Variants in MECR observed in about 807,000 individuals in gnomAD.
The protein encoded by MECR is enoyl-[acyl-carrier-protein] reductase, mitochondrial.
A neutral mutation model predicts 49.1 loss-of-function variants in MECR; 37 were observed. That is an observed-to-expected ratio of 0.75 (90% CI 0.58 to 0.99). MECR has a LOEUF of 0.99. Ranked by LOEUF, MECR falls within the 50% of genes least tolerant of loss-of-function variation. The probability of loss-of-function intolerance (pLI) is 0.00; values close to 1 mark genes in which losing one functional copy is unlikely to be tolerated. For synonymous variants in MECR, 198 were observed against 191.1 expected (o/e 1.04, Z -0.30); for missense variants, 470 against 479.6 (o/e 0.98, Z 0.19).
chr1:29,177,549 C>T, the MECR span, among the ~76,000 whole-genome samples: 1 of 151,938 alleles, frequency 6.6e-6, no homozygotes. Context: ...CTCAAAGTGC[C>T]GGGGTTACAG....
At chr1:29,203,070 G>A in intron 5 of MECR, 61 bp downstream of exon 5, 1 of 1,387,144 alleles carries the variant, frequency 7.2e-7, no homozygotes, top group Non-Finnish European at 9.8e-7. Flanking sequence ...GGGCACCGCA[G>A]GGATGGGAGG....
intron 4 of MECR, among the ~76,000 whole-genome samples, chr1:29,204,556 A>G (rs1386233809): frequency 1.3e-5 from 2 of 152,172 alleles, no homozygotes; most frequent in South Asian, 4.1e-4. Context: ...CATTATATAT[A>G]TATTCCTATT....
intron 4 of MECR, among the ~76,000 whole-genome samples, chr1:29,205,559 G>A (rs1558444473): frequency 1.3e-5 from 2 of 151,716 alleles, no homozygotes; most frequent in Admixed American, 6.6e-5. Flanking sequence ...GGCTGGGGGT[G>A]GGTGGCTCGC....
chr1:29,210,418 C>T (rs1574385545), intron 3 of MECR, among the ~76,000 whole-genome samples: 1 of 152,190 alleles, frequency 6.6e-6, no homozygotes, highest in African/African-American at 2.4e-5. Flanking sequence ...GGAAGTGCCC[C>T]AGCATCCTGT....
intron 9 of MECR, among the ~76,000 whole-genome samples, chr1:29,195,610 C>A (rs990353908): frequency 6.6e-6 from 1 of 152,214 alleles, no homozygotes; most frequent in African/African-American, 2.4e-5. Context: ...GCTGGCTAGG[C>A]AGAACCTCTA....
chr1:29,211,724 C>T (rs896593148), intron 3 of MECR, among the ~76,000 whole-genome samples: 1 of 152,164 alleles, frequency 6.6e-6, no homozygotes, highest in African/African-American at 2.4e-5. Context: ...GATTCCAAAG[C>T]CAGTGCACTT....
At chr1:29,224,337 G>A (rs1040415571) in intron 1 of MECR, 8 of 152,148 alleles carry the variant, frequency 5.3e-5, no homozygotes, top group African/African-American at 1.9e-4. Flanking sequence ...TGAACCAAGG[G>A]CCAAGAGGGG....
the MECR span, chr1:29,173,098 A>G: frequency 1.3e-5 from 2 of 150,696 alleles, no homozygotes; most frequent in African/African-American, 4.9e-5. Context: ...TCTACAATTA[A>G]CCTACATTTA....
chr1:29,230,317 A>G (rs1683114695), intron 1 of MECR: 1 of 186,258 alleles, frequency 5.4e-6, no homozygotes, highest in Non-Finnish European at 1.1e-5. Flanking sequence ...CACGCAGGTC[A>G]GTCAGACATA....
the MECR span, among the ~76,000 whole-genome samples, chr1:29,178,242 C>T: frequency 6.6e-6 from 1 of 152,028 alleles, no homozygotes; most frequent in African/African-American, 2.4e-5. Flanking sequence ...TAACTTACAA[C>T]CCTTCAGCCT....
chr1:29,199,289 G>A (rs189708766), intron 7 of MECR, among the ~76,000 whole-genome samples: 127 of 152,222 alleles, frequency 8.3e-4, no homozygotes, highest in African/African-American at 2.8e-3. Context: ...GTGCAGTGGC[G>A]CAATCTCGGC....
At chr1:29,188,027 ACT>A (rs1306610518), downstream of MECR, among the ~76,000 whole-genome samples, 2 of 82,692 alleles carry the variant, frequency 2.4e-5, no homozygotes, top group Non-Finnish European at 2.3e-5. Context: ...ACACAGCAAG[ACT>A]CTGTCTCAAA....
chr1:29,197,723 A>G (rs1180557445), intron 7 of MECR, among the ~76,000 whole-genome samples: 1 of 152,238 alleles, frequency 6.6e-6, no homozygotes, highest in African/African-American at 2.4e-5. Flanking sequence ...TGTAGAAAGT[A>G]GCTCCTGGGA....
the MECR span, among the ~76,000 whole-genome samples, chr1:29,177,141 AAAAAAT>A: frequency 6.6e-6 from 1 of 152,204 alleles, no homozygotes; most frequent in Non-Finnish European, 1.5e-5. Context: ...GGCTTATTAT[AAAAAAT>A]AAAATCTATA....
intron 1 of MECR, among the ~76,000 whole-genome samples, chr1:29,226,529 T>G (rs1682110118): frequency 6.6e-6 from 1 of 152,216 alleles, no homozygotes; most frequent in African/African-American, 2.4e-5. Context: ...CTGAGGTGTT[T>G]GAGATCATCT....
chr1:29,178,353 C>CTTTTTTTTT, the MECR span, among the ~76,000 whole-genome samples: 9 of 127,902 alleles, frequency 7.0e-5, no homozygotes, highest in African/African-American at 1.8e-4. Context: ...GTTTCAATTA[C>CTTTTTTTTT]TTTTTTTTTT....
the MECR span, among the ~76,000 whole-genome samples, chr1:29,187,510 G>A: frequency 1.3e-5 from 2 of 151,868 alleles, no homozygotes; most frequent in Admixed American, 6.6e-5. Context: ...ATGCCTGGCC[G>A]CAAGAGCTTT....
chr1:29,170,845 T>C, the MECR span: 2 of 152,150 alleles, frequency 1.3e-5, no homozygotes, highest in African/African-American at 2.4e-5. Flanking sequence ...TCTTTGTTCA[T>C]GAAGGTCCCC....
At chr1:29,185,328 A>C in the MECR span, among the ~76,000 whole-genome samples, 1 of 152,142 alleles carries the variant, frequency 6.6e-6, no homozygotes, top group African/African-American at 2.4e-5. Context: ...GGCTCACTGC[A>C]ACCTGTGCCT....
Sources: gnomAD v4.1 joint callset for allele counts (sites outside exome capture counted in the v4.1 genomes callset) on GRCh38, gnomAD v4.1.1 for gene constraint, MANE v1.5 for transcripts, NCBI Gene and HGNC (gene_info 2026-07-23, HGNC 2026-07-21) for gene names.